The following TSTD2 variants were observed in gnomAD, a reference collection of about 807,000 sequenced individuals.
The protein encoded by TSTD2 is thiosulfate sulfurtransferase/rhodanese-like domain-containing protein 2.
In TSTD2, 37 loss-of-function variants were observed where a neutral mutation model predicts 47.9. The ratio of observed to expected loss-of-function variants is 0.77; its 90% CI spans 0.59 to 1.02. The LOEUF (loss-of-function observed/expected upper bound fraction) is 1.02. TSTD2 is among the 50% of genes least tolerant of loss of function. The probability of loss-of-function intolerance (pLI) is 0.00; values close to 1 mark genes in which losing one functional copy is unlikely to be tolerated. For missense variants in TSTD2, 586 were observed against 616.0 expected, an observed-to-expected ratio of 0.95 and a Z score of 0.52; for synonymous variants, 201 against 215.9, an observed-to-expected ratio of 0.93 and a Z score of 0.61.
chr9:97,603,410 G>A (rs867773695), intron 9 of TSTD2, among the ~76,000 whole-genome samples: 1 of 151,970 alleles, frequency 6.6e-6, no homozygotes, highest in African/African-American at 2.4e-5. Flanking sequence ...ATACTCACAC[G>A]CAGGTACCCA....
At chr9:97,630,043 A>C (rs1826784548) in intron 1 of TSTD2, among the ~76,000 whole-genome samples, 1 of 152,128 alleles carries the variant, frequency 6.6e-6, no homozygotes, top group Non-Finnish European at 1.5e-5. Flanking sequence ...GACTGAACTC[A>C]AGTGTCACCT....
chr9:97,633,289 C>CT lies in TSTD2; in HGVS notation c.-98_-97insA, dbSNP rs1564013191. ...AAGGTCTCTCTTCCCTGCACTGTCTCCGCCTAGCAATTGTCACTGCTCACC... is the reference window on the plus strand; with the variant it reads ...AAGGTCTCTCTTCCCTGCACTGTCTCTCGCCTAGCAATTGTCACTGCTCACC... On this transcript the variant is annotated 5_prime_UTR_variant, in exon 1 of 10. Coordinates refer to ENST00000341170, the MANE Select transcript of TSTD2 (RefSeq NM_139246.5). 1.1e-5 allele frequency: 3 copies of CT among 267,376 alleles called. No individual in the cohort carries two copies. The highest frequency in any genetic ancestry group is 2.1e-5 in the Non-Finnish European group (3 of 143,076). 16.6% of individuals were successfully genotyped at this position (267,376 alleles called of 1,614,324 possible). A position where few individuals can be genotyped will look rare whatever the true frequency, so the allele number is the denominator to read the frequency against.
chr9:97,602,445 C>G lies in TSTD2; in HGVS notation c.*24G>C. On this transcript the variant is annotated 3_prime_UTR_variant, in exon 10 of 10. Transcript: ENST00000341170. ...CCCCAAACCTACTTTTACCGAGGGC[C>G]TGGGAAAATGCCAAAGGTGCTGCTC... 1 of 1,564,306 alleles carries G rather than the reference C, an allele frequency of 6.4e-7. No individual in the cohort carries two copies. Among genetic ancestry groups the G allele is most frequent in the Non-Finnish European group, 8.7e-7 (1 of 1,152,244 alleles).
chr9:97,627,555 G>T lies in TSTD2; in HGVS notation c.8C>A (p.Ser3Tyr), dbSNP rs1826742361. The T allele has an allele frequency of 3.1e-6, 5 of 1,605,886 alleles. No homozygotes were observed. The African/African-American group carries it at 4.0e-5, about 13-fold the overall frequency. The change falls in exon 2 of 10, where the codon TCT becomes TAT. Residue 3 changes from serine (S) to tyrosine (Y), a missense_variant. Ser to Tyr is a moderately radical substitution (Grantham distance 144, BLOSUM62 -2). Transcript: ENST00000341170. ...ATCTCCTTGGTCTGGTGAAGTGGAAGAAGGCATCTGGTTTGGTTGCAACAG... is the reference window on the plus strand; with the variant it reads ...ATCTCCTTGGTCTGGTGAAGTGGAATAAGGCATCTGGTTTGGTTGCAACAG... MPSSTSPDQGDDL... is the reference protein window; with the variant it reads MPYSTSPDQGDDL...
chr9:97,608,210 T>A (rs1826398644), intron 6 of TSTD2, among the ~76,000 whole-genome samples: 1 of 151,988 alleles, frequency 6.6e-6, no homozygotes, highest in African/African-American at 2.4e-5. Flanking sequence ...ATGAAAAGCA[T>A]GGAAATGTGC....
chr9:97,623,989 A>T (rs1312610884), intron 3 of TSTD2, among the ~76,000 whole-genome samples: 2 of 152,162 alleles, frequency 1.3e-5, no homozygotes, highest in Non-Finnish European at 2.9e-5. Flanking sequence ...TCTGTGCCTT[A>T]AGGATCTAGC....
chr9:97,629,189 C>G (rs1050065602), intron 1 of TSTD2, among the ~76,000 whole-genome samples: 1 of 152,196 alleles, frequency 6.6e-6, no homozygotes, highest in East Asian at 1.9e-4. Context: ...ACACTGGTGA[C>G]AAACTTTGCC....
At position 97,606,158 on chromosome 9, in the gene TSTD2, G is replaced by A; in HGVS notation, c.939C>T (p.Phe313=). The change falls in exon 7 of 10, where the codon TTC becomes TTT. Residue 313 remains phenylalanine (F), a synonymous_variant. Transcript: ENST00000341170. Reference sequence around the variant, plus strand: ...TTTTACTTACTATTTTGCTTTCATAGAAGTTTCTGCAATCAAGAAGGATAG... The same window carrying A: ...TTTTACTTACTATTTTGCTTTCATAAAAGTTTCTGCAATCAAGAAGGATAG... ...SDTILLDCRN[F]YESKIGRFQG... is the part of the protein sequence containing the mutation. The A allele has an allele frequency of 1.2e-6, 2 of 1,608,348 alleles. No individual in the cohort carries two copies. The highest frequency in any genetic ancestry group is 1.7e-6 in the Non-Finnish European group (2 of 1,176,878).
At position 97,601,232 on chromosome 9, in the gene TSTD2, T is replaced by C; in HGVS notation, c.*1237A>G. On this transcript the variant is annotated 3_prime_UTR_variant, in exon 10 of 10. Coordinates refer to ENST00000341170, the MANE Select transcript of TSTD2 (RefSeq NM_139246.5). ...TGCATCGCTGAAAACTGCAATATAA[T>C]ATTAAATCTGTTGGTCTATGCATGG... is the stretch of plus-strand genomic sequence containing the variant. The C allele has an allele frequency of 7.9e-7, 1 of 1,266,188 alleles. No individual in the cohort carries two copies. Among genetic ancestry groups the C allele is most frequent in the East Asian group, 5.7e-5 (1 of 17,494 alleles). 78.4% of individuals were successfully genotyped at this position (1,266,188 alleles called of 1,614,324 possible). A position where few individuals can be genotyped will look rare whatever the true frequency, so the allele number is the denominator to read the frequency against.
chr9:97,600,971 AG>A lies in TSTD2; in HGVS notation c.*1497del. 1 of 1,165,822 alleles carries A rather than the reference AG, an allele frequency of 8.6e-7. No individual in the cohort carries two copies. Among genetic ancestry groups the A allele is most frequent in the Non-Finnish European group, 1.1e-6 (1 of 918,112 alleles). 72.2% of individuals were successfully genotyped at this position (1,165,822 alleles called of 1,614,324 possible). On this transcript the variant is annotated 3_prime_UTR_variant, in exon 10 of 10. Coordinates refer to ENST00000341170, the MANE Select transcript of TSTD2 (RefSeq NM_139246.5). ...GTGATTTCAGCAAATCTCATGATAA[AG>A]GACAAGGTCAAGAACTCCAGAGCAC...
intron 8 of TSTD2, among the ~76,000 whole-genome samples, 155 bp downstream of exon 8, chr9:97,605,328 T>TA (rs1277448666): frequency 2.0e-5 from 3 of 152,138 alleles, no homozygotes; most frequent in Admixed American, 2.0e-4. Context: ...ATTTTGTACT[T>TA]ACGAACTCCA....
At chr9:97,627,375 T>C (rs765873588) in intron 2 of TSTD2, 23 bp downstream of exon 2, 5 of 1,576,042 alleles carry the variant, frequency 3.2e-6, no homozygotes, top group Middle Eastern at 3.7e-4. Flanking sequence ...TACATGATCA[T>C]GAAACATTCA....
At chr9:97,602,922 A>C in intron 9 of TSTD2, 155 bp from the exon 10 acceptor site, 1 of 665,850 alleles carries the variant, frequency 1.5e-6, no homozygotes, top group South Asian at 2.7e-5. Flanking sequence ...AACAACAACT[A>C]ACCACCACCC....
intron 8 of TSTD2, 162 bp from the exon 9 acceptor site, chr9:97,605,027 C>G: frequency 1.1e-6 from 1 of 906,278 alleles, no homozygotes; most frequent in Non-Finnish European, 1.3e-6. Context: ...TGAGGAATTG[C>G]TGACCAAGGG....
intron 3 of TSTD2, among the ~76,000 whole-genome samples, chr9:97,619,827 A>C (rs1826602232): frequency 6.6e-6 from 1 of 152,154 alleles, no homozygotes; most frequent in South Asian, 2.1e-4. Flanking sequence ...AACTGCCCCT[A>C]ATCCTTGGAT....
At chr9:97,627,216 T>C (rs1826736371) in intron 2 of TSTD2, 182 bp downstream of exon 2, 2 of 1,213,170 alleles carry the variant, frequency 1.6e-6, no homozygotes, top group Non-Finnish European at 2.1e-6. Context: ...TACTCCACCA[T>C]GGCTATTCCA....
chr9:97,611,794 A>C, intron 4 of TSTD2, 95 bp from the exon 5 acceptor site: 2 of 1,331,702 alleles, frequency 1.5e-6, no homozygotes, highest in East Asian at 2.3e-5. Flanking sequence ...CAATGAGTTT[A>C]ACAGGAAAAG....
At chr9:97,614,560 A>T (rs1408406080) in intron 4 of TSTD2, among the ~76,000 whole-genome samples, 1 of 148,962 alleles carries the variant, frequency 6.7e-6, no homozygotes, top group Non-Finnish European at 1.5e-5. Flanking sequence ...AAGGGATAGA[A>T]CGTGACAAGA....
intron 6 of TSTD2, among the ~76,000 whole-genome samples, chr9:97,608,941 C>T (rs1407192130): frequency 6.6e-6 from 1 of 152,030 alleles, no homozygotes; most frequent in African/African-American, 2.4e-5. Flanking sequence ...GACCTTTGTG[C>T]TTCCTGATCA....
Sources: allele counts gnomAD v4.1 joint callset (sites outside exome capture counted in the v4.1 genomes callset), GRCh38; gene constraint gnomAD v4.1.1; transcripts MANE v1.5; gene names NCBI Gene and HGNC (gene_info 2026-07-23, HGNC 2026-07-21).